Variants in HJURP observed in about 807,000 individuals in gnomAD.
HJURP encodes 14-3-3-associated AKT substrate.
Under a neutral mutation model 72.0 loss-of-function variants are expected in HJURP, and 49 were observed. The observed-to-expected ratio is 0.68, with a 90% CI of 0.54 to 0.86. The LOEUF is 0.86. HJURP is among the 40% of genes least tolerant of loss of function. HJURP has a pLI of 0.00. For missense variants in HJURP, 908 were observed against 936.3 expected (o/e 0.97, Z 0.39); for synonymous variants, 357 against 347.1 (o/e 1.03, Z -0.32).
intron 6 of HJURP, 65 bp downstream of exon 6, chr2:233,845,663 T>C (rs1275760149): frequency 4.9e-6 from 5 of 1,013,160 alleles, no homozygotes; most frequent in African/African-American, 3.2e-5. Context: ...ATAATAACAC[T>C]GTACCTCAAT....
chr2:233,846,769 C>T lies in HJURP; in HGVS notation c.402+628G>A, dbSNP rs1178789257. Among the ~76,000 whole-genome samples the T allele has an allele frequency of 2.0e-5, 3 of 152,206 alleles. No homozygotes were observed. The highest frequency in any genetic ancestry group is 7.2e-5 in the African/African-American group (3 of 41,448). On this transcript the variant is annotated intron_variant, in intron 5 of 8. Transcript: ENST00000411486. This position sits in a 1 kb window ranked among gnomAD's most constrained non-coding sequence, Gnocchi z 4.3. ...GAAAACCATGCATCAGGTATTCTGGCAGGCAACAGAGTGTGACACGGGGGC... is the reference window on the plus strand; with the variant it reads ...GAAAACCATGCATCAGGTATTCTGGTAGGCAACAGAGTGTGACACGGGGGC...
intron 4 of HJURP, 99 bp from the exon 5 acceptor site, chr2:233,847,560 T>A: frequency 9.9e-7 from 1 of 1,006,222 alleles, no homozygotes; most frequent in Non-Finnish European, 1.6e-6. Flanking sequence ...AGTTGTACAG[T>A]AAAAATCCCC....
chr2:233,847,806 G>A (rs1705404827), intron 4 of HJURP, among the ~76,000 whole-genome samples: 1 of 152,196 alleles, frequency 6.6e-6, no homozygotes, highest in Admixed American at 6.5e-5. Context: ...TCCTAGGCCA[G>A]CCACTAGCCA....
chr2:233,844,454 A>G (rs1705307659), intron 6 of HJURP, among the ~76,000 whole-genome samples, 171 bp from the exon 7 acceptor site: 2 of 152,166 alleles, frequency 1.3e-5, no homozygotes, highest in Admixed American at 1.3e-4. Flanking sequence ...GGAAGAAAAT[A>G]TGTCCTACTA....
In HJURP at chr2:233,837,643, G is replaced by T; in HGVS notation, c.2181C>A (p.Asn727Lys). ...TTTTCTCTTCCATCCTGTAAGACGT[G>T]TTCTCTCCTCTAGGAAAAAAAAAAG... is the stretch of plus-strand genomic sequence containing the variant. The part of the protein sequence containing the change: ...SQPNSEERGE[N>K]TSYRMEEKSD... The change falls in exon 9 of 9, where the codon AAC becomes AAA. Residue 727 changes from asparagine to lysine, a missense_variant. Around this residue, in one of 3 missense-constraint regions of HJURP, gnomAD observed 598 missense variants for 619.5 expected, o/e 0.97. Transcript: ENST00000411486. The T allele has an allele frequency of 6.2e-7, 1 of 1,601,074 alleles. No homozygotes were observed. Among genetic ancestry groups the T allele is most frequent in the Non-Finnish European group, 8.5e-7 (1 of 1,172,302 alleles).
Position 233,854,507 on chromosome 2 carries a change from CA to C in HJURP, c.-8del. 2 of 1,601,358 alleles carry C rather than the reference CA, an allele frequency of 1.2e-6. No homozygotes were observed. The highest frequency in any genetic ancestry group is 1.7e-6 in the Non-Finnish European group (2 of 1,172,696). On this transcript the variant is annotated 5_prime_UTR_variant, in exon 1 of 9. Coordinates refer to ENST00000411486, the MANE Select transcript of HJURP (RefSeq NM_018410.5). ...CGCGCAGCGTACCCAGCATCGGACC[CA>C]GCCAGTACCCAAGCGCCAACCCGGA...
chr2:233,840,819 G>C lies in HJURP; in HGVS notation c.1961C>G (p.Thr654Ser). The change falls in exon 8 of 9, where the codon ACT becomes AGT. Residue 654 changes from threonine to serine, a missense_variant. Thr to Ser is a moderately conservative substitution (Grantham distance 58, BLOSUM62 1). Transcript: ENST00000411486. ...TGTAGATGAAGGAGCCTCAATTGCA[G>C]TTGAGCCCAGTAGACTTTTTCTGCA... ...LGCRKSLLGSTAIEAPSSTCV... is the reference protein window; with the variant it reads ...LGCRKSLLGSSAIEAPSSTCV... The C allele has an allele frequency of 6.2e-7, 1 of 1,613,806 alleles. No individual in the cohort carries two copies. Among genetic ancestry groups the C allele is most frequent in the Non-Finnish European group, 8.5e-7 (1 of 1,179,902 alleles).
chr2:233,852,402 A>G (rs1705515267), intron 3 of HJURP, among the ~76,000 whole-genome samples, 163 bp downstream of exon 3: 1 of 152,224 alleles, frequency 6.6e-6, no homozygotes, highest in South Asian at 2.1e-4. Flanking sequence ...GCTACAGAAG[A>G]AATGCTTCTA....
chr2:233,849,612 C>CA, intron 4 of HJURP, 151 bp downstream of exon 4: 3 of 583,970 alleles, frequency 5.1e-6, no homozygotes, highest in South Asian at 2.2e-5. Flanking sequence ...AAGGAATCAA[C>CA]AGGGTACTTT....
intron 7 of HJURP, among the ~76,000 whole-genome samples, chr2:233,843,114 G>A (rs1224433423): frequency 6.6e-6 from 1 of 152,150 alleles, no homozygotes; most frequent in Non-Finnish European, 1.5e-5. Flanking sequence ...ATCAAAGCAT[G>A]AGAGGGAACT....
chr2:233,847,628 C>G (rs1035090065), intron 4 of HJURP, among the ~76,000 whole-genome samples, 167 bp from the exon 5 acceptor site: 1 of 152,194 alleles, frequency 6.6e-6, no homozygotes, highest in Non-Finnish European at 1.5e-5. Flanking sequence ...TTCTTAGTAA[C>G]CCAGAGAACC....
At chr2:233,843,039 T>C (rs1705271138) in intron 7 of HJURP, among the ~76,000 whole-genome samples, 1 of 152,062 alleles carries the variant, frequency 6.6e-6, no homozygotes, top group Admixed American at 6.5e-5. Context: ...GATTATAACA[T>C]GTGAATCAAA....
At position 233,850,750 on chromosome 2, in the gene HJURP, T is replaced by C. The variant is rs555811138; in HGVS notation, c.241-891A>G. Among the ~76,000 whole-genome samples the C allele has an allele frequency of 2.5e-4, 38 of 152,276 alleles. 1 individual carries two copies. The highest frequency in any genetic ancestry group is 8.7e-4 in the African/African-American group (36 of 41,562). On this transcript the variant is annotated intron_variant, in intron 3 of 8. Coordinates refer to ENST00000411486, the MANE Select transcript of HJURP (RefSeq NM_018410.5). The stretch of plus-strand genomic sequence containing the variant: ...GTAAGGTGGAGTTTACAGGGTTGTT[T>C]TGTGGCTGTGTCTGAGGCAGAACCT...
In HJURP at chr2:233,841,556, T is replaced by C. The variant is rs1246280502; in HGVS notation, c.1224A>G (p.Lys408=). The C allele has an allele frequency of 3.1e-6, 5 of 1,614,146 alleles. No homozygotes were observed. Among genetic ancestry groups the C allele is most frequent in the Non-Finnish European group, 2.5e-6 (3 of 1,179,946 alleles). ...LDEENRFRTL[K]WLISPVKIVS... is the part of the protein sequence containing the mutation. Reference sequence around the variant, plus strand: ...CTATTTTTACAGGAGAAATTAACCATTTTAATGTCCTAAATCTATTTTCCT... The same window carrying C: ...CTATTTTTACAGGAGAAATTAACCACTTTAATGTCCTAAATCTATTTTCCT... Residue 408 remains lysine (K), a synonymous_variant, in exon 8 of 9, where the codon AAA becomes AAG. Transcript: ENST00000411486.
chr2:233,840,595 A>G lies in HJURP; in HGVS notation c.2171+14T>C. 2 of 1,557,458 alleles carry G rather than the reference A, an allele frequency of 1.3e-6. No homozygotes were observed. The highest frequency in any genetic ancestry group is 1.4e-5 in the African/African-American group (1 of 72,368). Reference sequence around the variant, plus strand: ...CTCACATAAACCACATTCAACCAACAGAAACACACCTACCTCTCTTCTGAG... The same window carrying G: ...CTCACATAAACCACATTCAACCAACGGAAACACACCTACCTCTCTTCTGAG... On this transcript the variant is annotated intron_variant, in intron 8 of 8. Transcript: ENST00000411486.
chr2:233,837,573 C>T lies in HJURP; in HGVS notation c.*4G>A, dbSNP rs765573041. ...AAGATAAATAACACTCCGAAATAAC[C>T]TAGCTACACACTTTTAGTTTCCAAT... On this transcript the variant is annotated 3_prime_UTR_variant, in exon 9 of 9. Transcript: ENST00000411486. The T allele has an allele frequency of 2.5e-6, 4 of 1,592,086 alleles. No individual in the cohort carries two copies. Among genetic ancestry groups the T allele is most frequent in the Non-Finnish European group, 2.6e-6 (3 of 1,161,466 alleles).
In HJURP at chr2:233,846,907, C is replaced by A. The variant is rs1194813570; in HGVS notation, c.402+490G>T. Reference sequence around the variant, plus strand: ...CGGGTGGTTTCTGTGACCCAGGGGGCACTCTGGGAAACAGACATATAGATG... The same window carrying A: ...CGGGTGGTTTCTGTGACCCAGGGGGAACTCTGGGAAACAGACATATAGATG... On this transcript the variant is annotated intron_variant, in intron 5 of 8. Coordinates refer to ENST00000411486, the MANE Select transcript of HJURP (RefSeq NM_018410.5). This position sits in a 1 kb window ranked among gnomAD's most constrained non-coding sequence, Gnocchi z 4.3. 1.3e-5 allele frequency among the ~76,000 whole-genome samples: 2 copies of A among 152,162 alleles called. No individual in the cohort carries two copies. Among genetic ancestry groups the A allele is most frequent in the Non-Finnish European group, 2.9e-5 (2 of 68,042 alleles).
intron 2 of HJURP, among the ~76,000 whole-genome samples, chr2:233,853,046 C>A (rs1312130447): frequency 6.6e-6 from 1 of 152,172 alleles, no homozygotes; most frequent in Non-Finnish European, 1.5e-5. Context: ...GGGTAGCAGA[C>A]CTGCCACTGG....
In HJURP at chr2:233,841,214, T is replaced by A. The variant is rs748740101; in HGVS notation, c.1566A>T (p.Ser522=). Residue 522 remains serine (S), a synonymous_variant, in exon 8 of 9, where the codon TCA becomes TCT. Coordinates refer to ENST00000411486, the MANE Select transcript of HJURP (RefSeq NM_018410.5). ...GTGTGGGGTTGGTCTTTGGAAGTGA[T>A]GAAGATGAATCGCTCTTGGGCAGGC... ...GRCLPKSDSS[S]SLPKTNPTHS... 7 of 1,614,066 alleles carry A rather than the reference T, an allele frequency of 4.3e-6. No homozygotes were observed. The South Asian group carries it at 6.6e-5, about 15-fold the overall frequency.
Sources: allele counts gnomAD v4.1 joint callset (sites outside exome capture counted in the v4.1 genomes callset), GRCh38; gene constraint gnomAD v4.1.1; regional missense constraint gnomAD v4.1.1; non-coding constraint Gnocchi (gnomAD v3.1); transcripts MANE v1.5; gene names NCBI Gene and HGNC (gene_info 2026-07-23, HGNC 2026-07-21).